PTPRR: variants seen among roughly 807,000 people sequenced by gnomAD.
PTPRR encodes protein tyrosine phosphatase receptor type R, also known as receptor-type tyrosine-protein phosphatase R.
Under a neutral mutation model 77.2 loss-of-function variants are expected in PTPRR, and 38 were observed. That is an observed-to-expected ratio of 0.49 (90% CI 0.38 to 0.65). The LOEUF (loss-of-function observed/expected upper bound fraction) is 0.65, where lower values mean the gene tolerates loss of function less well. PTPRR is among the 30% of genes least tolerant of loss of function. The probability of loss-of-function intolerance (pLI) is 0.00; values close to 1 mark genes in which losing one functional copy is unlikely to be tolerated. For missense variants in PTPRR, 744 were observed against 799.2 expected (o/e 0.93, Z 0.83); for synonymous variants, 299 against 283.1 (o/e 1.06, Z -0.57).
chr12:70,706,176 C>T (rs1488262982), intron 6 of PTPRR, among the ~76,000 whole-genome samples: 2 of 151,946 alleles, frequency 1.3e-5, no homozygotes, highest in Non-Finnish European at 2.9e-5. Flanking sequence ...TTTTAAGTTC[C>T]GAGGTTAATG....
chr12:70,851,341 G>A (rs1401138801), intron 2 of PTPRR, among the ~76,000 whole-genome samples: 1 of 152,074 alleles, frequency 6.6e-6, no homozygotes, highest in Non-Finnish European at 1.5e-5. Context: ...AGAAGATGAT[G>A]GAATATTCTA....
intron 3 of PTPRR, among the ~76,000 whole-genome samples, chr12:70,764,404 T>C (rs1890763890): frequency 6.6e-6 from 1 of 152,198 alleles, no homozygotes; most frequent in Non-Finnish European, 1.5e-5. Context: ...AAACTTCCTC[T>C]ATAAAGGGCC....
intron 6 of PTPRR, among the ~76,000 whole-genome samples, chr12:70,719,496 T>C (rs981366264): frequency 1.3e-4 from 19 of 151,626 alleles, no homozygotes; most frequent in Non-Finnish European, 2.5e-4. Flanking sequence ...AGTAATATAG[T>C]TCCTAACAAT....
chr12:70,901,099 G>T (rs371966983), intron 1 of PTPRR, among the ~76,000 whole-genome samples: 4 of 151,472 alleles, frequency 2.6e-5, no homozygotes, highest in East Asian at 1.9e-4. Context: ...GCATCATGTT[G>T]GTATGCAAAA....
intron 13 of PTPRR, among the ~76,000 whole-genome samples, chr12:70,651,417 C>A (rs553371478): frequency 3.9e-5 from 6 of 152,164 alleles, no homozygotes; most frequent in Non-Finnish European, 8.8e-5. Context: ...TCTTTACTAG[C>A]AGTATTTTAG....
chr12:70,838,270 T>C (rs1272523967), intron 2 of PTPRR, among the ~76,000 whole-genome samples: 2 of 152,280 alleles, frequency 1.3e-5, no homozygotes, highest in East Asian at 3.9e-4. Context: ...TTAGGATAGA[T>C]GTGTTTTCAT....
At chr12:70,864,362 G>A (rs1212163831) in intron 2 of PTPRR, among the ~76,000 whole-genome samples, 1 of 152,140 alleles carries the variant, frequency 6.6e-6, no homozygotes, top group Non-Finnish European at 1.5e-5. Context: ...GGAGTCCTTG[G>A]CTTAGGAATC....
chr12:70,689,942 C>A (rs1888000728), intron 8 of PTPRR, among the ~76,000 whole-genome samples: 1 of 152,202 alleles, frequency 6.6e-6, no homozygotes, highest in Non-Finnish European at 1.5e-5. Flanking sequence ...CTTACCACCC[C>A]TTGCATTAGT....
intron 6 of PTPRR, among the ~76,000 whole-genome samples, chr12:70,719,536 CA>C (rs3970923): frequency 0.3 from 45,469 of 150,482 alleles, 8,524 homozygotes; most frequent in African/African-American, 0.52. Context: ...AGCAAAAGGG[CA>C]AAAAAAAAAA....
intron 2 of PTPRR, among the ~76,000 whole-genome samples, chr12:70,862,996 A>T (rs1369700378): frequency 6.6e-6 from 1 of 152,120 alleles, no homozygotes; most frequent in Non-Finnish European, 1.5e-5. Context: ...AGGAAACTGG[A>T]TGGAGGAACA....
chr12:70,865,412 G>C (rs926688352), intron 2 of PTPRR, among the ~76,000 whole-genome samples: 1 of 150,282 alleles, frequency 6.7e-6, no homozygotes, highest in Non-Finnish European at 1.5e-5. Flanking sequence ...AAGAGGAAAG[G>C]ATGGTCACCT....
rs577589537 is a variant in PTPRR, at chr12:70,803,312, G to A, written c.358-38534C>T. 5.2e-4 allele frequency among the ~76,000 whole-genome samples: 79 copies of A among 152,206 alleles called. No homozygotes were observed. In the South Asian group the frequency reaches 0.014, roughly 26 times the overall value. The stretch of plus-strand genomic sequence containing the variant: ...AGTCCAGGGGCCAGTTCTGAGTATA[G>A]GGAGTTAGCACCTGCAGATCACAGA... On this transcript the variant is annotated intron_variant, in intron 2 of 13. Transcript: ENST00000283228.
At chr12:70,697,290 C>T (rs908165867) in intron 8 of PTPRR, among the ~76,000 whole-genome samples, 4 of 152,024 alleles carry the variant, frequency 2.6e-5, no homozygotes, top group Admixed American at 2.6e-4. Context: ...TACTATCTTG[C>T]TGTAGTTTTG....
chr12:70,911,762 A>AAG (rs905453291), intron 1 of PTPRR, among the ~76,000 whole-genome samples: 3 of 151,704 alleles, frequency 2.0e-5, no homozygotes, highest in African/African-American at 7.3e-5. Flanking sequence ...AAAAAAAAAA[A>AAG]AAAAACCACT....
intron 2 of PTPRR, among the ~76,000 whole-genome samples, chr12:70,854,843 T>C (rs1347556517): frequency 6.6e-6 from 1 of 152,224 alleles, no homozygotes; most frequent in Non-Finnish European, 1.5e-5. Context: ...GGGTTAAATG[T>C]ACTAACATTT....
intron 2 of PTPRR, among the ~76,000 whole-genome samples, chr12:70,869,574 G>A (rs958446578): frequency 2.0e-4 from 31 of 152,286 alleles, no homozygotes; most frequent in South Asian, 6.2e-4. Flanking sequence ...GGACTTTGTC[G>A]ATGTGATTAA....
intron 10 of PTPRR, among the ~76,000 whole-genome samples, chr12:70,680,337 T>C (rs1382481397): frequency 1.3e-5 from 2 of 152,218 alleles, no homozygotes; most frequent in Non-Finnish European, 2.9e-5. Flanking sequence ...TTGATATTTG[T>C]GCATCTGATG....
intron 2 of PTPRR, among the ~76,000 whole-genome samples, chr12:70,867,439 G>T (rs1274064490): frequency 6.6e-6 from 1 of 152,008 alleles, no homozygotes; most frequent in Non-Finnish European, 1.5e-5. Flanking sequence ...ATTCACAATT[G>T]CTTCAAAGAG....
rs78945349 is a variant in PTPRR at position 70,822,015 on chromosome 12, T to C, written c.358-57237A>G. 6.3e-3 allele frequency among the ~76,000 whole-genome samples: 953 copies of C among 152,356 alleles called. 6 individuals carry two copies. Among genetic ancestry groups the C allele is most frequent in the Non-Finnish European group, 0.011 (771 of 68,038 alleles). ...GAAGTATTTGTTGACATGTTTGATT[T>C]CTGTGGTTAATGTGTAGAATTCCAA... On this transcript the variant is annotated intron_variant, in intron 2 of 13. Coordinates refer to ENST00000283228, the MANE Select transcript of PTPRR (RefSeq NM_002849.4).
Sources: allele counts gnomAD v4.1 joint callset (sites outside exome capture counted in the v4.1 genomes callset), GRCh38; gene constraint gnomAD v4.1.1; transcripts MANE v1.5; gene names NCBI Gene and HGNC (gene_info 2026-07-23, HGNC 2026-07-21).